The following ADAMTS17 variants were observed in gnomAD, a reference collection of about 807,000 sequenced individuals.
ADAMTS17 encodes A disintegrin and metalloproteinase with thrombospondin motifs 17.
A neutral mutation model predicts 141.5 loss-of-function variants in ADAMTS17; 113 were observed. That is an observed-to-expected ratio of 0.80 (90% CI 0.69 to 0.93). ADAMTS17 has a LOEUF of 0.93. Among genes scored for constraint, ADAMTS17 ranks in the 40% least tolerant of loss-of-function variants. The probability of loss-of-function intolerance (pLI) is 0.00; values close to 1 mark genes in which losing one functional copy is unlikely to be tolerated. For missense variants in ADAMTS17, 1,659 were observed against 1,517.9 expected (o/e 1.09, Z -1.54); for synonymous variants, 768 against 630.6 (o/e 1.22, Z -3.27).
At chr15:100,334,869 C>A (rs960511671) in intron 2 of ADAMTS17, among the ~76,000 whole-genome samples, 7 of 152,212 alleles carry the variant, frequency 4.6e-5, no homozygotes, top group Non-Finnish European at 1.0e-4. Flanking sequence ...GGACTGCCAG[C>A]CTGCCCTTCA....
intron 15 of ADAMTS17, among the ~76,000 whole-genome samples, chr15:100,090,573 CT>C (rs1435176609): frequency 2.6e-5 from 4 of 152,226 alleles, no homozygotes; most frequent in African/African-American, 7.2e-5. Flanking sequence ...TCATGTGCCC[CT>C]GGTGGAGGTG....
intron 6 of ADAMTS17, among the ~76,000 whole-genome samples, chr15:100,259,395 T>C (rs1224653019): frequency 1.3e-5 from 2 of 152,192 alleles, no homozygotes; most frequent in East Asian, 1.9e-4. Flanking sequence ...CCAAATGCCA[T>C]TGCAAAGTGC....
intron 3 of ADAMTS17, among the ~76,000 whole-genome samples, chr15:100,297,008 T>C (rs565672035): frequency 1.3e-5 from 2 of 152,214 alleles, no homozygotes; most frequent in African/African-American, 4.8e-5. Context: ...GACAATGCTA[T>C]GAGAAAATAT....
intron 4 of ADAMTS17, among the ~76,000 whole-genome samples, chr15:100,269,599 G>A (rs550133868): frequency 1.3e-5 from 2 of 152,100 alleles, no homozygotes; most frequent in Non-Finnish European, 2.9e-5. Flanking sequence ...GCCCGCCCTC[G>A]CAGCCCCAGA....
chr15:100,339,009 G>C, intron 2 of ADAMTS17: 1 of 985,534 alleles, frequency 1.0e-6, no homozygotes, highest in Non-Finnish European at 1.2e-6. Flanking sequence ...AGAGGGGGAA[G>C]TGTCCAATGT....
intron 20 of ADAMTS17, among the ~76,000 whole-genome samples, chr15:99,985,518 G>C (rs1029456627): frequency 6.6e-6 from 1 of 152,218 alleles, no homozygotes; most frequent in Admixed American, 6.5e-5. Flanking sequence ...CAAAGCCTTT[G>C]GGGGAGCAGA....
chr15:100,269,786 T>C (rs891362041), intron 4 of ADAMTS17, among the ~76,000 whole-genome samples: 1 of 152,208 alleles, frequency 6.6e-6, no homozygotes, highest in African/African-American at 2.4e-5. Context: ...TCCTGCTTCC[T>C]GGCCTCCCAA....
intron 14 of ADAMTS17, among the ~76,000 whole-genome samples, chr15:100,102,567 G>A (rs368486482): frequency 2.7e-5 from 4 of 150,702 alleles, no homozygotes; most frequent in East Asian, 2.0e-4. Flanking sequence ...CGACCGAAGG[G>A]GCTCTACATT....
chr15:100,311,176 G>A (rs1048502656), intron 3 of ADAMTS17, among the ~76,000 whole-genome samples: 2 of 152,230 alleles, frequency 1.3e-5, no homozygotes, highest in African/African-American at 2.4e-5. Flanking sequence ...GAGGGAAGCC[G>A]GGTGTGCACT....
intron 7 of ADAMTS17, among the ~76,000 whole-genome samples, chr15:100,222,522 A>G (rs1243016590): frequency 6.6e-6 from 1 of 152,204 alleles, no homozygotes; most frequent in African/African-American, 2.4e-5. Context: ...CAACATGTGC[A>G]CCTGGGTGGC....
intron 14 of ADAMTS17, among the ~76,000 whole-genome samples, chr15:100,107,288 C>T (rs1396542444): frequency 1.3e-5 from 2 of 152,176 alleles, no homozygotes; most frequent in Non-Finnish European, 2.9e-5. Flanking sequence ...GATCTGCTGT[C>T]CGCATGGGCA....
In ADAMTS17 at chr15:100,002,543, G is replaced by A. The variant is rs535716282; in HGVS notation, c.2592-4954C>T. ...GGGCGAGGCTCAGCAGTCCTGCCCT[G>A]ATGTCTCTACATCCGCCGTCACCTC... On this transcript the variant is annotated intron_variant, in intron 18 of 21. Transcript: ENST00000268070. Among the ~76,000 whole-genome samples the A allele has an allele frequency of 4.6e-5, 7 of 152,140 alleles. No homozygotes were observed. In the East Asian group the frequency reaches 1.4e-3, roughly 29 times the overall value.
At chr15:100,292,358 G>A (rs1273310439) in intron 3 of ADAMTS17, among the ~76,000 whole-genome samples, 2 of 150,150 alleles carry the variant, frequency 1.3e-5, no homozygotes, top group African/African-American at 2.4e-5. Context: ...CACTCACCCC[G>A]TGTGAAATTA....
intron 13 of ADAMTS17, among the ~76,000 whole-genome samples, chr15:100,110,586 C>T (rs2036711880): frequency 6.6e-6 from 1 of 152,116 alleles, no homozygotes; most frequent in Non-Finnish European, 1.5e-5. Flanking sequence ...TATTTTTGAA[C>T]AAACAGGTTG....
intron 18 of ADAMTS17, among the ~76,000 whole-genome samples, chr15:100,005,743 T>C (rs1006525715): frequency 2.6e-5 from 4 of 152,172 alleles, no homozygotes; most frequent in African/African-American, 4.8e-5. Context: ...TTTGCTAGGA[T>C]TGTCGATAAA....
chr15:99,988,031 C>A (rs1165054782), intron 20 of ADAMTS17, among the ~76,000 whole-genome samples: 1 of 151,984 alleles, frequency 6.6e-6, no homozygotes, highest in East Asian at 1.9e-4. Context: ...CAACCTTCCC[C>A]CAGCTCAGCC....
chr15:100,297,024 G>A (rs761911318), intron 3 of ADAMTS17, among the ~76,000 whole-genome samples: 22 of 152,106 alleles, frequency 1.4e-4, no homozygotes, highest in Non-Finnish European at 2.2e-4. Flanking sequence ...AATATAAGGA[G>A]GGGCCCTAAT....
intron 3 of ADAMTS17, among the ~76,000 whole-genome samples, chr15:100,308,807 C>G (rs4965635): frequency 0.41 from 62,121 of 151,946 alleles, 14,395 homozygotes; most frequent in African/African-American, 0.64. Flanking sequence ...CCAGGGGACA[C>G]AGAGGGACAC....
At chr15:100,090,382 C>T (rs185661167) in intron 15 of ADAMTS17, among the ~76,000 whole-genome samples, 100 of 152,314 alleles carry the variant, frequency 6.6e-4, no homozygotes, top group South Asian at 5.0e-3. Flanking sequence ...AACTAACAAA[C>T]CTTGGCATTG....
Sources: allele counts gnomAD v4.1 joint callset (sites outside exome capture counted in the v4.1 genomes callset), GRCh38; gene constraint gnomAD v4.1.1; transcripts MANE v1.5; gene names NCBI Gene and HGNC (gene_info 2026-07-23, HGNC 2026-07-21).